The following BTBD9 variants were observed in gnomAD, a reference collection of about 807,000 sequenced individuals.
BTBD9 encodes BTB domain containing 9, also known as BTB/POZ domain-containing protein 9.
Under a neutral mutation model 64.3 loss-of-function variants are expected in BTBD9, and 49 were observed. The observed-to-expected ratio is 0.76, with a 90% CI of 0.61 to 0.97. BTBD9 has a LOEUF of 0.97. BTBD9 is among the 50% of genes least tolerant of loss of function. BTBD9 has a pLI of 0.00. For missense variants in BTBD9, 598 were observed against 762.1 expected, an observed-to-expected ratio of 0.78 and a Z score of 2.53; for synonymous variants, 260 against 274.7, an observed-to-expected ratio of 0.95 and a Z score of 0.53.
chr6:38,566,144 G>A (rs1582642981), intron 6 of BTBD9: 1 of 152,070 alleles, frequency 6.6e-6, no homozygotes, highest in Non-Finnish European at 1.5e-5. Context: ...ATATGTGTAA[G>A]GTTTCAAAAC....
chr6:38,542,677 T>G (rs1395970631), intron 6 of BTBD9, among the ~76,000 whole-genome samples: 2 of 152,128 alleles, frequency 1.3e-5, no homozygotes, highest in Non-Finnish European at 2.9e-5. Flanking sequence ...ATTCCTTACT[T>G]CTCTTGGAAA....
At chr6:38,272,480 T>C (rs1765229585) in intron 8 of BTBD9, among the ~76,000 whole-genome samples, 1 of 152,174 alleles carries the variant, frequency 6.6e-6, no homozygotes, top group Admixed American at 6.6e-5. Context: ...GTACTTGGCA[T>C]TTTAACAGAA....
intron 6 of BTBD9, among the ~76,000 whole-genome samples, chr6:38,348,133 C>T (rs927391482): frequency 3.3e-5 from 5 of 152,070 alleles, no homozygotes; most frequent in South Asian, 2.1e-4. Context: ...ACGGGGCTCA[C>T]GGTGGAGCAT....
At chr6:38,425,336 C>T (rs1768097602) in intron 6 of BTBD9, among the ~76,000 whole-genome samples, 1 of 151,688 alleles carries the variant, frequency 6.6e-6, no homozygotes, top group African/African-American at 2.4e-5. Flanking sequence ...AAACTCCTGA[C>T]CTCGTCATCT....
At chr6:38,375,402 T>C (rs1765641370) in intron 6 of BTBD9, among the ~76,000 whole-genome samples, 1 of 152,210 alleles carries the variant, frequency 6.6e-6, no homozygotes, top group Non-Finnish European at 1.5e-5. Flanking sequence ...GAAGTCTTAG[T>C]GTGAGTTAGA....
intron 6 of BTBD9, among the ~76,000 whole-genome samples, chr6:38,417,670 G>T (rs548759577): frequency 1.3e-5 from 2 of 152,098 alleles, no homozygotes; most frequent in African/African-American, 4.8e-5. Context: ...GCTACTTGGG[G>T]GCTGAGGTGG....
chr6:38,568,901 A>G (rs2127463650), intron 6 of BTBD9, among the ~76,000 whole-genome samples: 1 of 152,310 alleles, frequency 6.6e-6, no homozygotes, highest in South Asian at 2.1e-4. Context: ...GCTTTAACTA[A>G]AACCAAGTAA....
At chr6:38,397,720 C>CA (rs1294033462) in intron 6 of BTBD9, among the ~76,000 whole-genome samples, 1 of 152,104 alleles carries the variant, frequency 6.6e-6, no homozygotes, top group Non-Finnish European at 1.5e-5. Flanking sequence ...AAGACACAAA[C>CA]AAACACATTA....
At chr6:38,209,900 T>A (rs2127498381) in intron 9 of BTBD9, among the ~76,000 whole-genome samples, 1 of 152,312 alleles carries the variant, frequency 6.6e-6, no homozygotes, top group East Asian at 1.9e-4. Flanking sequence ...CGTAAGCCAA[T>A]CTTGAGTTTT....
intron 6 of BTBD9, among the ~76,000 whole-genome samples, chr6:38,532,784 C>T (rs1405168702): frequency 2.6e-5 from 4 of 151,870 alleles, no homozygotes; most frequent in African/African-American, 9.7e-5. Flanking sequence ...AGCAGCAATA[C>T]CCAGGCAGTA....
chr6:38,461,494 C>A (rs1425304144), intron 6 of BTBD9, among the ~76,000 whole-genome samples: 1 of 152,068 alleles, frequency 6.6e-6, no homozygotes, highest in Non-Finnish European at 1.5e-5. Flanking sequence ...TTGCATGGAT[C>A]AATAGTTCAT....
At chr6:38,470,670 G>C (rs762695336) in intron 6 of BTBD9, among the ~76,000 whole-genome samples, 2 of 152,232 alleles carry the variant, frequency 1.3e-5, no homozygotes, top group Non-Finnish European at 2.9e-5. Flanking sequence ...AGAAGAACTG[G>C]CCTTCTCAAC....
chr6:38,339,664 G>C (rs1012684466), intron 7 of BTBD9, among the ~76,000 whole-genome samples: 1 of 152,168 alleles, frequency 6.6e-6, no homozygotes, highest in Non-Finnish European at 1.5e-5. Flanking sequence ...GAAAAAAAGA[G>C]ATTACTTACA....
chr6:38,561,083 G>A (rs111871649), intron 6 of BTBD9, among the ~76,000 whole-genome samples: 1 of 151,998 alleles, frequency 6.6e-6, no homozygotes, highest in Non-Finnish European at 1.5e-5. Flanking sequence ...TTTATAATCC[G>A]TTGGGTATAT....
intron 6 of BTBD9, among the ~76,000 whole-genome samples, chr6:38,562,523 A>C (rs1290248907): frequency 6.6e-6 from 1 of 152,226 alleles, no homozygotes; most frequent in East Asian, 1.9e-4. Context: ...AGATAAATAA[A>C]CATCTACTAC....
At chr6:38,537,560 T>A (rs1272701723) in intron 6 of BTBD9, among the ~76,000 whole-genome samples, 1 of 152,226 alleles carries the variant, frequency 6.6e-6, no homozygotes, top group Non-Finnish European at 1.5e-5. Flanking sequence ...ATCTCTTTAA[T>A]TTTTTACTTA....
chr6:38,507,458 T>A (rs1201522930), intron 6 of BTBD9, among the ~76,000 whole-genome samples: 1 of 152,184 alleles, frequency 6.6e-6, no homozygotes, highest in Non-Finnish European at 1.5e-5. Flanking sequence ...AATTGCCTAT[T>A]CATGATTATT....
chr6:38,468,207 CT>C (rs1191267955), intron 6 of BTBD9, among the ~76,000 whole-genome samples: 2 of 152,306 alleles, frequency 1.3e-5, no homozygotes. Context: ...AAGCACAGTT[CT>C]GACTGGGTAA....
intron 2 of BTBD9, 34 bp downstream of exon 2, chr6:38,597,876 A>G (rs1217052746): frequency 6.3e-7 from 1 of 1,587,870 alleles, no homozygotes; most frequent in Non-Finnish European, 8.6e-7. Flanking sequence ...TCTACAAGTG[A>G]ACTAAATTTT....
Sources: gnomAD v4.1 joint callset for allele counts (sites outside exome capture counted in the v4.1 genomes callset) on GRCh38, gnomAD v4.1.1 for gene constraint, MANE v1.5 for transcripts, NCBI Gene and HGNC (gene_info 2026-07-23, HGNC 2026-07-21) for gene names.